Variants in PAK5 observed in about 807,000 individuals in gnomAD.
PAK5 encodes p21 (RAC1) activated kinase 5.
PAK5 carries 16 observed loss-of-function variants against 65.9 expected under a neutral mutation model. The observed-to-expected ratio is 0.24, with a 90% CI of 0.16 to 0.37. The LOEUF (loss-of-function observed/expected upper bound fraction) is 0.37. Among genes scored for constraint, PAK5 ranks in the 10% least tolerant of loss-of-function variants. The pLI is 1.00. For missense variants in PAK5, 785 were observed against 903.9 expected (o/e 0.87, Z 1.69); for synonymous variants, 371 against 354.9 (o/e 1.05, Z -0.51).
At chr20:9,644,023 T>C (rs2047101164) in intron 3 of PAK5, 102 bp downstream of exon 3, 1 of 791,978 alleles carries the variant, frequency 1.3e-6, no homozygotes. Context: ...TGTTAAAAAA[T>C]ATGTGGTTTA....
At chr20:9,766,564 G>A (rs2048771261) in intron 1 of PAK5, among the ~76,000 whole-genome samples, 1 of 140,054 alleles carries the variant, frequency 7.1e-6, no homozygotes, top group African/African-American at 2.7e-5. Flanking sequence ...CAAGCAGAAT[G>A]GACAATGGAA....
Position 9,565,481 on chromosome 20 carries a change from A to G in PAK5, c.1482+412T>C, listed in dbSNP as rs61677695. ...TTATGATATCATAGTAGTGTAAAATATATACATACTCATGTAGATACAGTG... is the reference window on the plus strand; with the variant it reads ...TTATGATATCATAGTAGTGTAAAATGTATACATACTCATGTAGATACAGTG... On this transcript the variant is annotated intron_variant, in intron 5 of 9. Transcript: ENST00000353224. Among the ~76,000 whole-genome samples the G allele has an allele frequency of 7.9e-4, 121 of 152,336 alleles. 2 individuals are homozygous for G. In the East Asian group the frequency reaches 0.021, roughly 27 times the overall value.
At chr20:9,801,667 C>T (rs1006687353) in intron 1 of PAK5, among the ~76,000 whole-genome samples, 1 of 151,916 alleles carries the variant, frequency 6.6e-6, no homozygotes, top group Non-Finnish European at 1.5e-5. Context: ...CTATCTCCAT[C>T]TCCATCATGA....
chr20:9,713,879 G>A (rs1287740423), intron 1 of PAK5, among the ~76,000 whole-genome samples: 1 of 152,010 alleles, frequency 6.6e-6, no homozygotes. Flanking sequence ...GAGAAATGAA[G>A]AGAAGTTGAT....
intron 1 of PAK5, among the ~76,000 whole-genome samples, chr20:9,785,119 C>T (rs371070147): frequency 1.3e-5 from 2 of 152,008 alleles, no homozygotes; most frequent in South Asian, 2.1e-4. Flanking sequence ...AATATCATAA[C>T]CCCTGGCTAT....
intron 3 of PAK5, among the ~76,000 whole-genome samples, chr20:9,627,213 T>C (rs2123211774): frequency 6.6e-6 from 1 of 152,336 alleles, no homozygotes; most frequent in Non-Finnish European, 1.5e-5. Flanking sequence ...CTAAGCTAAG[T>C]GGGATCTGGC....
chr20:9,707,470 T>A (rs139294257), intron 2 of PAK5, among the ~76,000 whole-genome samples: 51 of 152,362 alleles, frequency 3.3e-4, no homozygotes, highest in Non-Finnish European at 5.0e-4. Context: ...TGTAATCTTT[T>A]ATTCAGATGT....
chr20:9,693,394 T>C (rs1569043653), intron 2 of PAK5, among the ~76,000 whole-genome samples: 1 of 151,972 alleles, frequency 6.6e-6, no homozygotes, highest in African/African-American at 2.4e-5. Context: ...CCTCCTCCCT[T>C]CTGCTTCCAT....
At chr20:9,615,373 A>T (rs944159953) in intron 3 of PAK5, among the ~76,000 whole-genome samples, 4 of 152,202 alleles carry the variant, frequency 2.6e-5, no homozygotes, top group Admixed American at 1.3e-4. Context: ...CAAACATGCC[A>T]CTTTGGTAGA....
At chr20:9,744,163 T>A (rs1468918377) in intron 1 of PAK5, among the ~76,000 whole-genome samples, 1 of 152,172 alleles carries the variant, frequency 6.6e-6, no homozygotes, top group African/African-American at 2.4e-5. Flanking sequence ...TTTTAGGTCA[T>A]TGATAATAAC....
intron 3 of PAK5, among the ~76,000 whole-genome samples, chr20:9,633,581 C>T (rs1239376531): frequency 6.6e-6 from 1 of 152,176 alleles, no homozygotes; most frequent in African/African-American, 2.4e-5. Flanking sequence ...TGATTTTGGT[C>T]AGGCCTGTTG....
At chr20:9,709,487 G>A (rs1188961088) in intron 2 of PAK5, among the ~76,000 whole-genome samples, 1 of 152,086 alleles carries the variant, frequency 6.6e-6, no homozygotes, top group South Asian at 2.1e-4. Flanking sequence ...TCTTAACAAA[G>A]CTTGCTTTTA....
At chr20:9,812,824 C>G (rs952668987) in intron 1 of PAK5, among the ~76,000 whole-genome samples, 14 of 151,952 alleles carry the variant, frequency 9.2e-5, no homozygotes, top group African/African-American at 3.1e-4. Flanking sequence ...TTGGAATGTT[C>G]CTAATGTAAA....
At chr20:9,708,280 T>C (rs553852827) in intron 2 of PAK5, among the ~76,000 whole-genome samples, 1 of 152,312 alleles carries the variant, frequency 6.6e-6, no homozygotes, top group East Asian at 1.9e-4. Context: ...CTGTATTTCC[T>C]ATGTTACTTC....
At chr20:9,790,918 A>T (rs1013766500) in intron 1 of PAK5, among the ~76,000 whole-genome samples, 4 of 152,122 alleles carry the variant, frequency 2.6e-5, no homozygotes, top group African/African-American at 9.7e-5. Flanking sequence ...TCTGGTCCTC[A>T]TCTTCCGTGG....
chr20:9,654,390 CA>C (rs1275715914), intron 2 of PAK5, among the ~76,000 whole-genome samples: 2 of 152,162 alleles, frequency 1.3e-5, no homozygotes, highest in Non-Finnish European at 2.9e-5. Context: ...ATCTTATTAG[CA>C]ACCTTAATTC....
At chr20:9,591,435 A>C (rs1299806356) in intron 3 of PAK5, among the ~76,000 whole-genome samples, 3 of 152,202 alleles carry the variant, frequency 2.0e-5, no homozygotes, top group Non-Finnish European at 4.4e-5. Context: ...TGTGGGGGGC[A>C]GAATATAAAA....
At chr20:9,668,600 A>T in intron 2 of PAK5, among the ~76,000 whole-genome samples, 1 of 152,162 alleles carries the variant, frequency 6.6e-6, no homozygotes, top group East Asian at 1.9e-4. Context: ...TGGAAAGGGA[A>T]CCTGTGAATT....
At chr20:9,592,871 T>C (rs2046196671) in intron 3 of PAK5, among the ~76,000 whole-genome samples, 1 of 152,150 alleles carries the variant, frequency 6.6e-6, no homozygotes. Flanking sequence ...TTGTGGGATG[T>C]GGCTGTGGGT....
Sources: gnomAD v4.1 joint callset for allele counts (sites outside exome capture counted in the v4.1 genomes callset) on GRCh38, gnomAD v4.1.1 for gene constraint, MANE v1.5 for transcripts, NCBI Gene and HGNC (gene_info 2026-07-23, HGNC 2026-07-21) for gene names.